Variants in ROBO2 observed in about 807,000 individuals in gnomAD.
ROBO2 encodes roundabout homolog 2.
ROBO2 carries 53 observed loss-of-function variants against 160.8 expected under a neutral mutation model. The observed-to-expected ratio is 0.33, with a 90% CI of 0.26 to 0.41. The LOEUF is 0.41. ROBO2 is among the 10% of genes least tolerant of loss of function. The pLI, the probability that ROBO2 is intolerant of heterozygous loss-of-function variation, is 1.00. For synonymous variants in ROBO2, 664 were observed against 611.7 expected (o/e 1.09, Z -1.26); for missense variants, 1,577 against 1,722.4 (o/e 0.92, Z 1.49).
intron 2 of ROBO2, among the ~76,000 whole-genome samples, chr3:76,107,205 C>G (rs1365743657): frequency 2.6e-5 from 4 of 151,998 alleles, no homozygotes; most frequent in African/African-American, 7.2e-5. Context: ...TGTTACTACT[C>G]CATCACAGAG....
chr3:77,283,374 G>A (rs1033268657), intron 2 of ROBO2, among the ~76,000 whole-genome samples: 4 of 152,140 alleles, frequency 2.6e-5, no homozygotes, highest in African/African-American at 9.7e-5. Context: ...TGCTGAATGC[G>A]ATATCAAAGA....
chr3:75,977,532 A>C (rs942430702), intron 2 of ROBO2, among the ~76,000 whole-genome samples: 4 of 151,434 alleles, frequency 2.6e-5, no homozygotes, highest in African/African-American at 9.7e-5. Flanking sequence ...GCCACAAGCA[A>C]CTCTTTCTAC....
chr3:75,937,600 A>G (rs1212006992), exon 2 of ROBO2: 17 of 1,544,454 alleles, frequency 1.1e-5, no homozygotes, highest in Admixed American at 1.8e-5. Context: ...GGACAAGGCC[A>G]AGGTAAGTGC....
chr3:76,041,354 T>TA (rs888462455), intron 2 of ROBO2, among the ~76,000 whole-genome samples: 1 of 151,980 alleles, frequency 6.6e-6, no homozygotes, highest in African/African-American at 2.4e-5. Flanking sequence ...AATAAAAACT[T>TA]ATGTAGAACT....
At chr3:77,328,252 C>A (rs1289856300) in intron 2 of ROBO2, among the ~76,000 whole-genome samples, 2 of 151,904 alleles carry the variant, frequency 1.3e-5, no homozygotes, top group East Asian at 3.9e-4. Context: ...CCACACAGTA[C>A]ATTACTGTAA....
chr3:76,263,417 C>G (rs1274497265), intron 2 of ROBO2, among the ~76,000 whole-genome samples: 2 of 152,038 alleles, frequency 1.3e-5, no homozygotes, highest in Non-Finnish European at 2.9e-5. Flanking sequence ...GGTACAGAGT[C>G]TTGCTGTGTC....
intron 2 of ROBO2, among the ~76,000 whole-genome samples, chr3:76,522,365 G>A (rs1053835968): frequency 3.3e-5 from 5 of 151,780 alleles, no homozygotes; most frequent in African/African-American, 1.2e-4. Context: ...AACTCCAACT[G>A]TGTGCCCATG....
intron 2 of ROBO2, among the ~76,000 whole-genome samples, chr3:77,187,048 T>C (rs550029939): frequency 5.3e-5 from 8 of 152,054 alleles, no homozygotes; most frequent in African/African-American, 1.4e-4. Context: ...AAGATTCTCA[T>C]TGAAGTAAAT....
At chr3:77,507,276 C>A (rs1287034230) in intron 5 of ROBO2, among the ~76,000 whole-genome samples, 1 of 152,176 alleles carries the variant, frequency 6.6e-6, no homozygotes, top group Non-Finnish European at 1.5e-5. Context: ...GAATCTTCCA[C>A]AGCATCTCGG....
At chr3:77,515,186 C>T (rs892911154) in intron 5 of ROBO2, among the ~76,000 whole-genome samples, 2 of 151,730 alleles carry the variant, frequency 1.3e-5, no homozygotes, top group Admixed American at 6.6e-5. Flanking sequence ...TGACCTGAGA[C>T]ACTTAAGGTA....
intron 2 of ROBO2, among the ~76,000 whole-genome samples, chr3:76,332,278 A>G (rs1173444957): frequency 2.6e-5 from 4 of 152,030 alleles, no homozygotes; most frequent in African/African-American, 7.2e-5. Flanking sequence ...TATAACACCA[A>G]TTTGCTTTAT....
chr3:77,113,497 A>G (rs1052165438), intron 2 of ROBO2, among the ~76,000 whole-genome samples: 2 of 152,212 alleles, frequency 1.3e-5, no homozygotes, highest in East Asian at 1.9e-4. Context: ...AAGAATCTCA[A>G]TGTGCTTTGT....
intron 2 of ROBO2, among the ~76,000 whole-genome samples, chr3:76,357,115 T>G (rs540899697): frequency 1.3e-5 from 2 of 151,986 alleles, no homozygotes; most frequent in South Asian, 4.1e-4. Flanking sequence ...GTCATGTGTT[T>G]GAAGAGACAA....
chr3:77,292,050 G>A (rs1251068168), intron 2 of ROBO2, among the ~76,000 whole-genome samples: 5 of 151,180 alleles, frequency 3.3e-5, no homozygotes, highest in South Asian at 4.2e-4. Context: ...ACGGCTTAAC[G>A]GGTAAGCTGA....
intron 24 of ROBO2, 32 bp from the exon 27 acceptor site, chr3:77,644,672 A>G (rs745853738): frequency 6.2e-7 from 1 of 1,606,820 alleles, no homozygotes; most frequent in South Asian, 1.1e-5. Context: ...GTTTCTGTTC[A>G]ATTTAGCCTT....
rs1319494678 is a variant in ROBO2, at chr3:76,964,659, TAA to T, written c.110-133353_110-133352del. ...CTAAGTTGTTAGCGAAGTAAAATAA[TAA>T]AGTTTGATTCAACAACTGATATAGG... On this transcript the variant is annotated intron_variant, in intron 2 of 26. Transcript: ENST00000487694. Among the ~76,000 whole-genome samples the T allele has an allele frequency of 8.5e-5, 13 of 152,318 alleles. 1 individual carries two copies. The highest frequency in any genetic ancestry group is 3.4e-3 in the Middle Eastern group (1 of 294).
chr3:77,560,306 G>T (rs2093278699), intron 9 of ROBO2, among the ~76,000 whole-genome samples: 1 of 151,962 alleles, frequency 6.6e-6, no homozygotes, highest in Non-Finnish European at 1.5e-5. Flanking sequence ...TTTATTAAGG[G>T]TAAAAGGACA....
In ROBO2 at chr3:75,913,909, T is replaced by C. The variant is rs560783564; in HGVS notation, c.-14+6949T>C. ...TGAATATTTTATCTCATGAGTTATA[T>C]CTATGATACTAATCATAGACTTCTA... On this transcript the variant is annotated intron_variant, in intron 1 of 26. Coordinates refer to the ROBO2 transcript ENST00000487694. 1.5e-4 allele frequency among the ~76,000 whole-genome samples: 23 copies of C among 152,292 alleles called. No homozygotes were observed. In the South Asian group the frequency reaches 3.9e-3, roughly 26 times the overall value.
At chr3:77,622,171 A>G (rs1348881070) in intron 22 of ROBO2, 56 bp from the exon 24 acceptor site, 3 of 1,484,166 alleles carry the variant, frequency 2.0e-6, no homozygotes, top group Non-Finnish European at 2.8e-6. Flanking sequence ...TAAAATTATG[A>G]TTTTGTTGCA....
Sources: gnomAD v4.1 joint callset for allele counts (sites outside exome capture counted in the v4.1 genomes callset) on GRCh38, gnomAD v4.1.1 for gene constraint, MANE v1.5 for transcripts, NCBI Gene and HGNC (gene_info 2026-07-23, HGNC 2026-07-21) for gene names.